MYO1H: variants seen among roughly 807,000 people sequenced by gnomAD.
MYO1H encodes the protein unconventional myosin-Ih.
In MYO1H, 118 loss-of-function variants were observed where a neutral mutation model predicts 149.3. That is an observed-to-expected ratio of 0.79 (90% CI 0.68 to 0.92). MYO1H has a LOEUF of 0.92. MYO1H is among the 40% of genes least tolerant of loss of function. The pLI is 0.00. For synonymous variants in MYO1H, 447 were observed against 465.2 expected (o/e 0.96, Z 0.50); for missense variants, 1,212 against 1,280.7 (o/e 0.95, Z 0.82).
intron 19 of MYO1H, among the ~76,000 whole-genome samples, chr12:109,429,461 TA>T (rs1271248280): frequency 1.3e-5 from 2 of 152,134 alleles, no homozygotes; most frequent in African/African-American, 4.8e-5. Flanking sequence ...TAATACAAAT[TA>T]AAAAGCAATA....
At chr12:109,392,972 G>A (rs1021788066) in intron 2 of MYO1H, among the ~76,000 whole-genome samples, 2 of 151,580 alleles carry the variant, frequency 1.3e-5, no homozygotes, top group African/African-American at 2.4e-5. Context: ...ATCACACCTG[G>A]CTAATTTTTT....
chr12:109,396,489 G>A (rs370608204), exon 4 of MYO1H: 2 of 1,613,894 alleles, frequency 1.2e-6, no homozygotes, highest in East Asian at 2.2e-5. Context: ...AGGCCTCCAA[G>A]AAAATTCTCG....
chr12:109,311,176 A>G, the MYO1H span, among the ~76,000 whole-genome samples: 4 of 152,222 alleles, frequency 2.6e-5, no homozygotes, highest in African/African-American at 9.6e-5. Flanking sequence ...TGATGGATTC[A>G]GTAAAGTTTT....
the MYO1H span, among the ~76,000 whole-genome samples, chr12:109,341,189 G>GAAAAA: frequency 1.0e-5 from 1 of 96,100 alleles, no homozygotes; most frequent in African/African-American, 3.5e-5. Context: ...ACTCCATCTC[G>GAAAAA]AAAAAAAAAA....
chr12:109,332,980 G>A, the MYO1H span, among the ~76,000 whole-genome samples: 4 of 152,096 alleles, frequency 2.6e-5, no homozygotes, highest in African/African-American at 9.7e-5. Context: ...TTTGTATTAT[G>A]ACCGCAATTC....
intron 1 of MYO1H, among the ~76,000 whole-genome samples, chr12:109,380,894 T>G (rs1592784416): frequency 6.6e-6 from 1 of 152,068 alleles, no homozygotes; most frequent in Non-Finnish European, 1.5e-5. Context: ...TGCAGAGAGG[T>G]GAGATCACGT....
chr12:109,325,728 T>G, the MYO1H span, among the ~76,000 whole-genome samples: 5 of 151,956 alleles, frequency 3.3e-5, no homozygotes, highest in Non-Finnish European at 7.4e-5. Context: ...TAAACAAATA[T>G]ACAAGAAAAA....
intron 5 of MYO1H, among the ~76,000 whole-genome samples, chr12:109,399,392 GA>G (rs1452543223): frequency 6.6e-6 from 1 of 151,774 alleles, no homozygotes; most frequent in African/African-American, 2.4e-5. Flanking sequence ...AGGAGTTCGA[GA>G]CCAGCCTGGC....
chr12:109,425,398 C>A (rs1202256367), intron 17 of MYO1H, among the ~76,000 whole-genome samples: 1 of 152,122 alleles, frequency 6.6e-6, no homozygotes, highest in Non-Finnish European at 1.5e-5. Context: ...TATTCATGTT[C>A]CAAGTTTAGT....
exon 6 of MYO1H, chr12:109,401,240 C>A (rs373717250): frequency 8.1e-6 from 13 of 1,613,004 alleles, no homozygotes; most frequent in South Asian, 5.5e-5. Context: ...GGGACTCGAG[C>A]GAGACCCCCA....
At chr12:109,381,922 A>T (rs1119271) in intron 1 of MYO1H, among the ~76,000 whole-genome samples, 76,140 of 152,080 alleles carry the variant, frequency 0.5, 19,781 homozygotes, top group African/African-American at 0.63. Context: ...CTTGGGAGGA[A>T]GCAGTGGAAC....
the MYO1H span, among the ~76,000 whole-genome samples, chr12:109,338,378 A>G: frequency 6.6e-6 from 1 of 152,198 alleles, no homozygotes; most frequent in Non-Finnish European, 1.5e-5. Context: ...CTCACAGGGC[A>G]AAAACAGACG....
intron 7 of MYO1H, 127 bp from the exon 8 acceptor site, chr12:109,405,795 G>C (rs1375090002): frequency 2.9e-6 from 2 of 688,900 alleles, no homozygotes; most frequent in African/African-American, 3.6e-5. Flanking sequence ...TGTGGGCTCA[G>C]GTGTGGAATT....
chr12:109,436,385 T>A (rs991937705), intron 21 of MYO1H, 103 bp from the exon 22 acceptor site: 1 of 774,238 alleles, frequency 1.3e-6, no homozygotes. Flanking sequence ...ACCACAGGAC[T>A]TTGATGCCCC....
rs553084881 is a variant in MYO1H at position 109,397,347 on chromosome 12, G to A, written c.490-385G>A. 1.5e-3 allele frequency among the ~76,000 whole-genome samples: 222 copies of A among 152,226 alleles called. 1 individual carries two copies. Among genetic ancestry groups the A allele is most frequent in the African/African-American group, 5.2e-3 (214 of 41,534 alleles). On this transcript the variant is annotated intron_variant, in intron 4 of 31. Coordinates refer to ENST00000310903, the Ensembl canonical transcript of MYO1H. Reference sequence around the variant, plus strand: ...CTTTCTATAAATGAAGATGTTTATAGTTGAAGGAATTTTCCCAGTGGACCC... The same window carrying A: ...CTTTCTATAAATGAAGATGTTTATAATTGAAGGAATTTTCCCAGTGGACCC...
chr12:109,440,957 C>T (rs538141358), intron 25 of MYO1H, 130 bp downstream of exon 25: 3 of 694,776 alleles, frequency 4.3e-6, no homozygotes, highest in South Asian at 3.6e-5. Flanking sequence ...TTGAAATGTT[C>T]AAGATAATTG....
At chr12:109,385,451 C>T (rs1207357408) in intron 1 of MYO1H, among the ~76,000 whole-genome samples, 1 of 152,006 alleles carries the variant, frequency 6.6e-6, no homozygotes, top group Non-Finnish European at 1.5e-5. Flanking sequence ...CACTGCCACA[C>T]CCAGCTAGTT....
the MYO1H span, among the ~76,000 whole-genome samples, chr12:109,341,425 C>T: frequency 2.0e-5 from 3 of 152,038 alleles, no homozygotes; most frequent in Admixed American, 6.6e-5. Context: ...AATGGCTGAA[C>T]GATAGCAATC....
At chr12:109,392,976 AT>A (rs1326671948) in intron 2 of MYO1H, among the ~76,000 whole-genome samples, 1 of 151,276 alleles carries the variant, frequency 6.6e-6, no homozygotes, top group Admixed American at 6.6e-5. Context: ...CACCTGGCTA[AT>A]TTTTTGTATT....
Sources: gnomAD v4.1 joint callset for allele counts (sites outside exome capture counted in the v4.1 genomes callset) on GRCh38, gnomAD v4.1.1 for gene constraint, MANE v1.5 for transcripts, NCBI Gene and HGNC (gene_info 2026-07-23, HGNC 2026-07-21) for gene names.